The following TRPM3 variants were observed in gnomAD, a reference collection of about 807,000 sequenced individuals.
TRPM3 encodes the protein transient receptor potential cation channel subfamily M member 3.
Under a neutral mutation model 181.2 loss-of-function variants are expected in TRPM3, and 77 were observed. The ratio of observed to expected loss-of-function variants is 0.42; its 90% confidence interval spans 0.35 to 0.51. The LOEUF (loss-of-function observed/expected upper bound fraction) is 0.51. Ranked by LOEUF, TRPM3 falls within the 20% of genes least tolerant of loss-of-function variation. The pLI is 0.01. For synonymous variants in TRPM3, 745 were observed against 796.4 expected (o/e 0.94, Z 1.09); for missense variants, 1,759 against 2,196.7 (o/e 0.80, Z 3.98).
intron 4 of TRPM3, 119 bp downstream of exon 4, chr9:70,846,259 G>T: frequency 1.1e-6 from 1 of 899,584 alleles, no homozygotes; most frequent in Non-Finnish European, 1.8e-6. Flanking sequence ...CAGCAACTAT[G>T]GACCCATGGG....
chr9:70,621,080 T>G (rs1158152498), intron 15 of TRPM3, among the ~76,000 whole-genome samples, 164 bp downstream of exon 15: 1 of 146,878 alleles, frequency 6.8e-6, no homozygotes, highest in African/African-American at 2.5e-5. Flanking sequence ...TATTACACAT[T>G]ATATATACTA....
At chr9:71,224,156 G>C (rs1231083079) in intron 1 of TRPM3, among the ~76,000 whole-genome samples, 1 of 152,222 alleles carries the variant, frequency 6.6e-6, no homozygotes, top group African/African-American at 2.4e-5. Context: ...AGGAATGCTT[G>C]TGTCACCCCT....
At chr9:70,841,659 T>TAA (rs1189341049) in intron 5 of TRPM3, among the ~76,000 whole-genome samples, 5 of 91,548 alleles carry the variant, frequency 5.5e-5, no homozygotes, top group African/African-American at 2.2e-4. Flanking sequence ...TATATATATA[T>TAA]ATCCCACCAT....
chr9:71,048,372 T>G (rs368271429), intron 1 of TRPM3, among the ~76,000 whole-genome samples: 225 of 152,336 alleles, frequency 1.5e-3, no homozygotes, highest in African/African-American at 4.4e-3. Flanking sequence ...CCCTCTAATC[T>G]ACACTGCCCA....
At chr9:71,300,667 A>G (rs1278993404) in intron 1 of TRPM3, among the ~76,000 whole-genome samples, 1 of 152,120 alleles carries the variant, frequency 6.6e-6, no homozygotes, top group Non-Finnish European at 1.5e-5. Context: ...TAGAACCTTC[A>G]GTTAATTAAA....
intron 1 of TRPM3, among the ~76,000 whole-genome samples, chr9:71,119,549 A>C (rs1324538515): frequency 1.3e-5 from 2 of 152,108 alleles, no homozygotes; most frequent in African/African-American, 2.4e-5. Context: ...TTAAAAAAAA[A>C]CTAGCATATT....
chr9:70,811,172 A>C, intron 6 of TRPM3: 1 of 1,610,428 alleles, frequency 6.2e-7, no homozygotes, highest in East Asian at 2.2e-5. Context: ...ATACTTACCA[A>C]CTGAGTCTAA....
intron 1 of TRPM3, among the ~76,000 whole-genome samples, chr9:71,237,694 T>C (rs2131946822): frequency 6.6e-6 from 1 of 152,318 alleles, no homozygotes; most frequent in African/African-American, 2.4e-5. Flanking sequence ...AGTGTCTCAG[T>C]CTGTTTTGTG....
At chr9:71,122,312 G>A (rs917856906), upstream of TRPM3, among the ~76,000 whole-genome samples, 1 of 152,180 alleles carries the variant, frequency 6.6e-6, no homozygotes, top group Admixed American at 6.5e-5. Context: ...CTCCTGTGGT[G>A]AGAGAGAGAA....
At chr9:71,184,535 G>A (rs908840487) in intron 1 of TRPM3, among the ~76,000 whole-genome samples, 1 of 152,078 alleles carries the variant, frequency 6.6e-6, no homozygotes, top group Admixed American at 6.6e-5. Context: ...GTTAGTCCTT[G>A]ATTCCTTCTG....
intron 1 of TRPM3, among the ~76,000 whole-genome samples, chr9:70,919,877 G>T (rs1313046863): frequency 6.6e-6 from 1 of 151,826 alleles, no homozygotes; most frequent in Non-Finnish European, 1.5e-5. Context: ...ATTTGCGTAT[G>T]CTCTTGCCTG....
intron 1 of TRPM3, among the ~76,000 whole-genome samples, chr9:71,391,739 G>C (rs2093067947): frequency 6.6e-6 from 1 of 152,058 alleles, no homozygotes; most frequent in Non-Finnish European, 1.5e-5. Flanking sequence ...AACAAAAGTA[G>C]TAATTCCTTA....
chr9:70,634,541 C>T (rs925680629), intron 12 of TRPM3, among the ~76,000 whole-genome samples: 8 of 152,160 alleles, frequency 5.3e-5, no homozygotes, highest in African/African-American at 1.7e-4. Flanking sequence ...ATTATTTTAT[C>T]ATTATTAATA....
chr9:70,669,085 G>C (rs1278217045), intron 9 of TRPM3, among the ~76,000 whole-genome samples: 1 of 152,214 alleles, frequency 6.6e-6, no homozygotes, highest in Non-Finnish European at 1.5e-5. Flanking sequence ...AAGTCACAGA[G>C]CACAAGGATG....
intron 22 of TRPM3, among the ~76,000 whole-genome samples, chr9:70,560,022 C>T (rs1003380163): frequency 6.6e-6 from 1 of 152,070 alleles, no homozygotes; most frequent in Non-Finnish European, 1.5e-5. Flanking sequence ...TATGTGGGAT[C>T]GTCAAAAGTG....
intron 1 of TRPM3, among the ~76,000 whole-genome samples, chr9:70,935,082 T>TTGCAAACCCACTGAC (rs2096814636): frequency 6.6e-6 from 1 of 152,128 alleles, no homozygotes; most frequent in Non-Finnish European, 1.5e-5. Context: ...ATGCCCTACT[T>TTGCAAACCCACTGAC]TGCAAACCCA....
At chr9:70,607,294 C>T (rs2061333685) in intron 19 of TRPM3, among the ~76,000 whole-genome samples, 1 of 152,128 alleles carries the variant, frequency 6.6e-6, no homozygotes, top group African/African-American at 2.4e-5. Flanking sequence ...AAACACAGCC[C>T]AAAGCACATG....
chr9:71,158,464 C>T (rs2076111228), intron 1 of TRPM3, among the ~76,000 whole-genome samples: 1 of 152,080 alleles, frequency 6.6e-6, no homozygotes, highest in Admixed American at 6.6e-5. Context: ...CTACCAGATT[C>T]TAGTTACATA....
At chr9:71,156,407 ACACACACACACAC>A (rs1324452496) in intron 1 of TRPM3, among the ~76,000 whole-genome samples, 2 of 147,968 alleles carry the variant, frequency 1.4e-5, no homozygotes, top group South Asian at 2.2e-4. Context: ...ACACACACAC[ACACACACACACAC>A]AAGGCTTATC....
Sources: gnomAD v4.1 joint callset for allele counts (sites outside exome capture counted in the v4.1 genomes callset) on GRCh38, gnomAD v4.1.1 for gene constraint, MANE v1.5 for transcripts, NCBI Gene and HGNC (gene_info 2026-07-23, HGNC 2026-07-21) for gene names.